Variants in AGBL1 observed in about 807,000 individuals in gnomAD.
AGBL1 encodes AGBL carboxypeptidase 1.
A neutral mutation model predicts 118.9 loss-of-function variants in AGBL1; 130 were observed. That is an observed-to-expected ratio of 1.09 (90% CI 0.95 to 1.26). The LOEUF is 1.26. Among genes scored for constraint, AGBL1 ranks in the 50% most tolerant of loss-of-function variants. AGBL1 has a pLI of 0.00. For missense variants in AGBL1, 1,584 were observed against 1,298.1 expected (o/e 1.22, Z -3.38); for synonymous variants, 555 against 478.9 (o/e 1.16, Z -2.08).
chr15:86,230,939 C>A (rs1164648380), intron 6 of AGBL1, among the ~76,000 whole-genome samples: 1 of 152,142 alleles, frequency 6.6e-6, no homozygotes, highest in Non-Finnish European at 1.5e-5. Flanking sequence ...ACACAGAAAA[C>A]TATTGATCTT....
intron 18 of AGBL1, among the ~76,000 whole-genome samples, chr15:86,503,789 T>C (rs948469257): frequency 3.3e-5 from 5 of 151,566 alleles, no homozygotes; most frequent in East Asian, 1.9e-4. Flanking sequence ...TTTGGTCAAA[T>C]AATATATTTG....
At chr15:86,616,349 A>T (rs1447660528) in intron 21 of AGBL1, among the ~76,000 whole-genome samples, 1,394 of 80,696 alleles carry the variant, frequency 0.017, 36 homozygotes, top group African/African-American at 0.05. Context: ...CAAAAAAAAA[A>T]AAAAAAAAAA....
At chr15:86,226,856 C>T (rs1047210510) in intron 6 of AGBL1, among the ~76,000 whole-genome samples, 3 of 152,168 alleles carry the variant, frequency 2.0e-5, no homozygotes, top group African/African-American at 7.2e-5. Flanking sequence ...TAGGCTCTCC[C>T]AACTCAGACT....
At chr15:86,329,079 G>T (rs1229762746) in intron 17 of AGBL1, among the ~76,000 whole-genome samples, 1 of 152,142 alleles carries the variant, frequency 6.6e-6, no homozygotes, top group Non-Finnish European at 1.5e-5. Context: ...AAGGAGAGCT[G>T]CTACAGCTGT....
intron 22 of AGBL1, among the ~76,000 whole-genome samples, chr15:86,686,893 T>C (rs1307032029): frequency 4.6e-5 from 7 of 152,178 alleles, no homozygotes; most frequent in Admixed American, 2.6e-4. Flanking sequence ...TTAAATAACT[T>C]GCCTAAGCCC....
intron 22 of AGBL1, among the ~76,000 whole-genome samples, chr15:86,815,855 C>A (rs1262577699): frequency 6.6e-6 from 1 of 151,980 alleles, no homozygotes; most frequent in Non-Finnish European, 1.5e-5. Context: ...AACAAACAAA[C>A]AAAATAAACA....
At chr15:86,944,168 C>T (rs1468083580) in intron 23 of AGBL1, among the ~76,000 whole-genome samples, 4 of 151,806 alleles carry the variant, frequency 2.6e-5, no homozygotes, top group African/African-American at 4.8e-5. Context: ...GTCAGGAGTT[C>T]GAGACCAGCC....
Position 86,249,396 on chromosome 15 carries a change from C to A in AGBL1, c.735+1517C>A, listed in dbSNP as rs143615709. The stretch of plus-strand genomic sequence containing the variant: ...GAGACATTTCTCATTAAAAAATGGT[C>A]TTTTCCCCTGCTAAACAATAACAAA... On this transcript the variant is annotated intron_variant, in intron 7 of 22. Transcript: ENST00000614907. 5.8e-3 allele frequency among the ~76,000 whole-genome samples: 886 copies of A among 152,282 alleles called. 5 individuals carry two copies. Among genetic ancestry groups the A allele is most frequent in the African/African-American group, 0.021 (858 of 41,554 alleles).
At chr15:86,100,321 A>G (rs79533098) in intron 1 of AGBL1, among the ~76,000 whole-genome samples, 1,681 of 152,222 alleles carry the variant, frequency 0.011, 10 homozygotes, top group East Asian at 0.024. Flanking sequence ...AGGTTTTAGT[A>G]TCAGGGTAAT....
intron 15 of AGBL1, among the ~76,000 whole-genome samples, chr15:86,273,735 C>T (rs2079198575): frequency 6.6e-6 from 1 of 152,120 alleles, no homozygotes; most frequent in Non-Finnish European, 1.5e-5. Flanking sequence ...TGCTCTATTT[C>T]TATTATGCTG....
chr15:86,463,616 A>G (rs191623947), intron 18 of AGBL1, among the ~76,000 whole-genome samples: 55 of 152,276 alleles, frequency 3.6e-4, no homozygotes, highest in Middle Eastern at 3.4e-3. Context: ...TAATTTTTGT[A>G]TAAGTTGTAA....
At chr15:86,972,973 G>A (rs542727247) in intron 23 of AGBL1, among the ~76,000 whole-genome samples, 9 of 151,552 alleles carry the variant, frequency 5.9e-5, no homozygotes, top group Admixed American at 6.6e-5. Flanking sequence ...AGTATAGCTC[G>A]GTGGTTAAGA....
chr15:86,765,305 C>G (rs368018622), intron 22 of AGBL1, among the ~76,000 whole-genome samples: 1 of 151,964 alleles, frequency 6.6e-6, no homozygotes, highest in Non-Finnish European at 1.5e-5. Context: ...GCAACCATGA[C>G]AGTCACTGGA....
chr15:86,174,535 A>G (rs1178334059), intron 5 of AGBL1, among the ~76,000 whole-genome samples: 2 of 152,174 alleles, frequency 1.3e-5, no homozygotes, highest in Non-Finnish European at 2.9e-5. Context: ...TCCAGTTCTC[A>G]GAGGAAATTC....
intron 22 of AGBL1, among the ~76,000 whole-genome samples, chr15:86,699,560 T>A (rs1197808018): frequency 8.3e-6 from 1 of 119,948 alleles, no homozygotes; most frequent in East Asian, 3.7e-4. Flanking sequence ...ATGACCTTTA[T>A]GTTTTTTAAA....
intron 21 of AGBL1, among the ~76,000 whole-genome samples, chr15:86,564,562 C>T (rs953660641): frequency 4.6e-5 from 7 of 152,170 alleles, no homozygotes; most frequent in Admixed American, 2.6e-4. Context: ...CTGCCCTTAA[C>T]ATTTTTTCCT....
intron 22 of AGBL1, among the ~76,000 whole-genome samples, chr15:86,752,898 T>G (rs2077876759): frequency 6.6e-6 from 1 of 152,082 alleles, no homozygotes; most frequent in Admixed American, 6.6e-5. Flanking sequence ...AATTGCTAAA[T>G]TAATGGACCA....
intron 18 of AGBL1, among the ~76,000 whole-genome samples, chr15:86,482,558 C>G (rs982653645): frequency 1.2e-4 from 19 of 152,088 alleles, no homozygotes; most frequent in African/African-American, 4.3e-4. Flanking sequence ...TTGAAACAAA[C>G]TGCACTGAAA....
At chr15:86,638,332 G>A (rs1014024268) in intron 21 of AGBL1, among the ~76,000 whole-genome samples, 1 of 152,220 alleles carries the variant, frequency 6.6e-6, no homozygotes, top group African/African-American at 2.4e-5. Flanking sequence ...TGACAATGGT[G>A]TGGGATCTGG....
Sources: gnomAD v4.1 joint callset for allele counts (sites outside exome capture counted in the v4.1 genomes callset) on GRCh38, gnomAD v4.1.1 for gene constraint, MANE v1.5 for transcripts, NCBI Gene and HGNC (gene_info 2026-07-23, HGNC 2026-07-21) for gene names.